DCC: variants seen among roughly 807,000 people sequenced by gnomAD.
DCC encodes DCC netrin 1 receptor, also known as netrin receptor DCC.
Under a neutral mutation model 172.5 loss-of-function variants are expected in DCC, and 58 were observed. That is an observed-to-expected ratio of 0.34 (90% CI 0.27 to 0.42). The LOEUF (loss-of-function observed/expected upper bound fraction) is 0.42, where lower values mean the gene tolerates loss of function less well. Ranked by LOEUF, DCC falls within the 10% of genes least tolerant of loss-of-function variation. DCC has a pLI of 1.00. For synonymous variants in DCC, 709 were observed against 644.5 expected, an observed-to-expected ratio of 1.10 and a Z score of -1.52; for missense variants, 1,740 against 1,791.0, an observed-to-expected ratio of 0.97 and a Z score of 0.51.
At chr18:53,386,005 A>G (rs1484216161) in intron 15 of DCC, 38 bp from the exon 16 acceptor site, 1 of 1,287,638 alleles carries the variant, frequency 7.8e-7, no homozygotes, top group Non-Finnish European at 1.1e-6. Context: ...TACATTAAAT[A>G]TATCAACACG....
chr18:53,283,146 T>C (rs576023520), intron 12 of DCC, among the ~76,000 whole-genome samples: 1 of 152,314 alleles, frequency 6.6e-6, no homozygotes, highest in African/African-American at 2.4e-5. Flanking sequence ...CGTTTCAGTA[T>C]TTCTTATGCA....
At chr18:52,418,577 T>C (rs184972921) in intron 1 of DCC, among the ~76,000 whole-genome samples, 1 of 152,258 alleles carries the variant, frequency 6.6e-6, no homozygotes, top group Admixed American at 6.5e-5. Context: ...CAGGTTTTGG[T>C]TAGGGGAGAT....
At chr18:52,929,814 GCAAACACACA>G (rs2040276453) in intron 5 of DCC, among the ~76,000 whole-genome samples, 1 of 99,796 alleles carries the variant, frequency 1.0e-5, no homozygotes, top group African/African-American at 4.1e-5. Flanking sequence ...CCTGGACTTT[GCAAACACACA>G]CACACACACA....
chr18:53,086,804 A>T (rs1235980403), intron 7 of DCC, among the ~76,000 whole-genome samples: 1 of 108,908 alleles, frequency 9.2e-6, no homozygotes, highest in African/African-American at 3.9e-5. Context: ...TCCTGTGTCC[A>T]TGTGTTCTTA....
intron 1 of DCC, among the ~76,000 whole-genome samples, chr18:52,736,295 A>C (rs1259950164): frequency 1.3e-5 from 2 of 151,398 alleles, no homozygotes; most frequent in East Asian, 1.9e-4. Flanking sequence ...AAAAAAAAAA[A>C]CAGAAAAATC....
intron 28 of DCC, 45 bp from the exon 29 acceptor site, chr18:53,530,513 AGAAATG>A: frequency 9.5e-7 from 1 of 1,050,192 alleles, no homozygotes; most frequent in Non-Finnish European, 1.5e-6. Flanking sequence ...CCTTCATAAA[AGAAATG>A]GATCAATATT....
chr18:53,314,416 T>C (rs573052130), intron 13 of DCC, among the ~76,000 whole-genome samples: 2 of 152,346 alleles, frequency 1.3e-5, no homozygotes, highest in Admixed American at 6.5e-5. Context: ...AGGATAAAAC[T>C]AGTGCAGTCT....
intron 7 of DCC, among the ~76,000 whole-genome samples, chr18:53,106,778 T>C (rs1035655255): frequency 6.6e-6 from 1 of 151,782 alleles, no homozygotes; most frequent in Non-Finnish European, 1.5e-5. Flanking sequence ...TCCAAAAGCA[T>C]GAGAAAGAAT....
chr18:53,221,673 A>G (rs912995478), intron 12 of DCC, among the ~76,000 whole-genome samples: 79 of 152,202 alleles, frequency 5.2e-4, no homozygotes, highest in African/African-American at 1.9e-3. Flanking sequence ...ATAAATGAGC[A>G]AAGAAACCAA....
At chr18:52,780,751 C>T (rs888558488) in intron 2 of DCC, among the ~76,000 whole-genome samples, 2 of 152,090 alleles carry the variant, frequency 1.3e-5, no homozygotes, top group African/African-American at 2.4e-5. Context: ...CCACCTGTCA[C>T]GTGAAGGTCT....
At chr18:52,482,153 A>C (rs957986050) in intron 1 of DCC, among the ~76,000 whole-genome samples, 1 of 152,132 alleles carries the variant, frequency 6.6e-6, no homozygotes, top group African/African-American at 2.4e-5. Flanking sequence ...AAACACTTGC[A>C]CTTGCACATG....
intron 1 of DCC, among the ~76,000 whole-genome samples, chr18:52,549,776 C>T (rs936373457): frequency 6.6e-6 from 1 of 151,866 alleles, no homozygotes; most frequent in Admixed American, 6.6e-5. Context: ...ATTTGTATGG[C>T]TAACATTTAT....
intron 1 of DCC, among the ~76,000 whole-genome samples, chr18:52,532,368 A>T (rs1270353688): frequency 1.3e-5 from 2 of 152,194 alleles, no homozygotes; most frequent in African/African-American, 4.8e-5. Flanking sequence ...TGGAGAGATC[A>T]CATTTAAAAT....
intron 12 of DCC, among the ~76,000 whole-genome samples, chr18:53,266,683 C>T (rs181929120): frequency 3.3e-5 from 5 of 151,916 alleles, no homozygotes; most frequent in Admixed American, 2.0e-4. Context: ...TTAGCAGTGC[C>T]CTCCTCACAC....
intron 22 of DCC, among the ~76,000 whole-genome samples, chr18:53,440,821 A>G (rs1446875971): frequency 6.6e-6 from 1 of 152,196 alleles, no homozygotes; most frequent in East Asian, 1.9e-4. Context: ...GTCTAAACCC[A>G]GATTCTAGAC....
At chr18:53,386,159 T>G in intron 16 of DCC, 21 bp downstream of exon 16, 1 of 1,446,408 alleles carries the variant, frequency 6.9e-7, no homozygotes, top group Non-Finnish European at 9.7e-7. Flanking sequence ...TTGTTAATCT[T>G]CCTCTGACAA....
intron 15 of DCC, among the ~76,000 whole-genome samples, chr18:53,365,358 A>C (rs1173483100): frequency 6.6e-6 from 1 of 150,978 alleles, no homozygotes; most frequent in East Asian, 1.9e-4. Context: ...AGTCTTTGCT[A>C]TTGTGCACAG....
chr18:53,177,862 A>T (rs949884683), intron 8 of DCC, among the ~76,000 whole-genome samples: 5 of 152,358 alleles, frequency 3.3e-5, no homozygotes, highest in African/African-American at 1.2e-4. Flanking sequence ...CATCAGTCAT[A>T]TTAAGAGTGT....
intron 15 of DCC, among the ~76,000 whole-genome samples, chr18:53,359,812 C>T (rs1387939718): frequency 6.6e-6 from 1 of 152,128 alleles, no homozygotes; most frequent in Non-Finnish European, 1.5e-5. Flanking sequence ...CATCCAGAGC[C>T]TAATTTCTGA....
Sources: gnomAD v4.1 joint callset for allele counts (sites outside exome capture counted in the v4.1 genomes callset) on GRCh38, gnomAD v4.1.1 for gene constraint, MANE v1.5 for transcripts, NCBI Gene and HGNC (gene_info 2026-07-23, HGNC 2026-07-21) for gene names.